Variants in LAG3 observed in about 807,000 individuals in gnomAD.
LAG3 encodes the protein lymphocyte activating 3, also known as lymphocyte activation gene 3 protein.
Under a neutral mutation model 49.0 loss-of-function variants are expected in LAG3, and 29 were observed. The observed-to-expected ratio is 0.59, with a 90% CI of 0.44 to 0.81. The LOEUF is 0.81. Among genes scored for constraint, LAG3 ranks in the 30% least tolerant of loss-of-function variants. The probability of loss-of-function intolerance (pLI) is 0.00; values close to 1 mark genes in which losing one functional copy is unlikely to be tolerated. For missense variants in LAG3, 693 were observed against 695.2 expected, an observed-to-expected ratio of 1.00 and a Z score of 0.04; for synonymous variants, 320 against 297.3, an observed-to-expected ratio of 1.08 and a Z score of -0.79.
At position 6,775,372 on chromosome 12, in the gene LAG3, T is replaced by C. The variant is rs1375048540; in HGVS notation, c.881T>C (p.Leu294Pro). The stretch of plus-strand genomic sequence containing the variant: ...GCTGGTGTGGGGACCCGGTCTTTCC[T>C]CACTGCCAAGTGGACTCCTCCTGGG... ...LPAGVGTRSF[L>P]TAKWTPPGGG... Residue 294 changes from leucine (L) to proline (P), a missense_variant, in exon 5 of 8, where the codon CTC becomes CCC. By Grantham distance (98) the Leu-to-Pro change is moderately conservative. Coordinates refer to ENST00000203629, the MANE Select transcript of LAG3 (RefSeq NM_002286.6). 6.2e-7 allele frequency: 1 copy of C among 1,614,208 alleles called. No individual in the cohort carries two copies. Among genetic ancestry groups the C allele is most frequent in the Admixed American group, 1.7e-5 (1 of 60,024 alleles).
chr12:6,777,623 C>T (rs1424872829), intron 6 of LAG3, 117 bp downstream of exon 6: 1 of 1,484,766 alleles, frequency 6.7e-7, no homozygotes, highest in Non-Finnish European at 9.1e-7. Flanking sequence ...GGGACCTGAT[C>T]TCTGGCTTTT....
chr12:6,772,895 C>T lies in LAG3; in HGVS notation c.43C>T (p.Leu15Phe). ...CCTGGGCTTGCTGTTTCTGCAGCCG[C>T]TTTGGGTGGCTCCAGGTAAAACGGG... ...QFLGLLFLQP[L>F]WVAPVKPLQP... Residue 15 changes from leucine to phenylalanine, a missense_variant, in exon 1 of 8, where the codon CTT (leucine) becomes TTT (phenylalanine). Physicochemically the swap from Leu to Phe is conservative, Grantham distance 22. Coordinates refer to ENST00000203629, the MANE Select transcript of LAG3 (RefSeq NM_002286.6). 6.2e-7 allele frequency: 1 copy of T among 1,613,920 alleles called. No individual in the cohort carries two copies. Among genetic ancestry groups the T allele is most frequent in the Non-Finnish European group, 8.5e-7 (1 of 1,179,980 alleles).
At chr12:6,775,011 T>A (rs1941890419) in intron 4 of LAG3, 147 bp downstream of exon 4, 1 of 898,886 alleles carries the variant, frequency 1.1e-6, no homozygotes, top group Non-Finnish European at 1.7e-6. Context: ...CCCCTTTATA[T>A]TGCTGGCAGC....
Position 6,773,954 on chromosome 12 carries a change from A to G in LAG3, c.464A>G (p.Asp155Gly), listed in dbSNP as rs1201457035. Residue 155 changes from aspartate to glycine, a missense_variant, in exon 3 of 8, where the codon GAC (aspartate) becomes GGC (glycine). Coordinates refer to ENST00000203629, the MANE Select transcript of LAG3 (RefSeq NM_002286.6). The surrounding 1 kb of genome is among the most constrained non-coding windows in gnomAD (Gnocchi z 5.5). ...TACCGCGCCGCGGTGCACCTCAGGG[A>G]CCGCGCCCTCTCCTGCCGCCTCCGT... Reference protein sequence around the residue: ...GEYRAAVHLRDRALSCRLRLR... With the variant: ...GEYRAAVHLRGRALSCRLRLR... The G allele has an allele frequency of 4.9e-6, 7 of 1,438,430 alleles. No individual in the cohort carries two copies. In the South Asian group the frequency reaches 9.8e-5, roughly 20 times the overall value. 89.1% of individuals were successfully genotyped at this position (1,438,430 alleles called of 1,614,324 possible).
At chr12:6,775,832 C>T (rs1941901638) in intron 5 of LAG3, 1 of 411,564 alleles carries the variant, frequency 2.4e-6, no homozygotes, top group Non-Finnish European at 4.4e-6. Context: ...GGAAAGGTGA[C>T]AAAAATTCTG....
rs1941924939 is a variant in LAG3 at position 6,777,823 on chromosome 12, C to T, written c.1333C>T (p.Leu445Phe). Residue 445 changes from leucine to phenylalanine, a missense_variant, in exon 7 of 8, where the codon CTC (leucine) becomes TTC (phenylalanine). Transcript: ENST00000203629. ...ACGCTCTGGGAGAGCCCCAGGTGCC[C>T]TCCCAGCAGGCCACCTCCTGCTGTT... ...AQRSGRAPGALPAGHLLLFLI... is the reference protein window; with the variant it reads ...AQRSGRAPGAFPAGHLLLFLI... The T allele has an allele frequency of 1.2e-6, 2 of 1,613,878 alleles. No individual in the cohort carries two copies. The highest frequency in any genetic ancestry group is 8.5e-7 in the Non-Finnish European group (1 of 1,179,952).
chr12:6,777,679 G>C, intron 6 of LAG3, 112 bp from the exon 7 acceptor site: 1 of 1,475,158 alleles, frequency 6.8e-7, no homozygotes, highest in Non-Finnish European at 9.3e-7. Context: ...GAATGACCCT[G>C]GGACAAGTCC....
At position 6,778,257 on chromosome 12, in the gene LAG3, G is replaced by A. The variant is rs1043999970; in HGVS notation, c.1445G>A (p.Arg482Gln). 3 of 1,598,772 alleles carry A rather than the reference G, an allele frequency of 1.9e-6. No individual in the cohort carries two copies. Among genetic ancestry groups the A allele is most frequent in the Non-Finnish European group, 2.6e-6 (3 of 1,172,802 alleles). ...HLWRRQWRPR[R>Q]FSALEQGIHP... is the part of the protein sequence containing the mutation. ...CTCTTCTCACAGTGGCGACCAAGAC[G>A]ATTTTCTGCCTTAGAGCAAGGGATT... is the stretch of plus-strand genomic sequence containing the variant. Residue 482 changes from arginine to glutamine, a missense_variant, in exon 8 of 8, where the codon CGA becomes CAA. By Grantham distance (43) the Arg-to-Gln change is conservative (BLOSUM62 1). Coordinates refer to ENST00000203629, the MANE Select transcript of LAG3 (RefSeq NM_002286.6).
rs971949567 is a variant in LAG3, at chr12:6,773,819, G to T, written c.329G>T (p.Arg110Leu). Residue 110 changes from arginine (R) to leucine (L), a missense_variant, in exon 3 of 8, where the codon CGC (arginine) becomes CTC (leucine). Physicochemically the swap from Arg to Leu is moderately radical, Grantham distance 102 (BLOSUM62 -2). Transcript: ENST00000203629. This position sits in a 1 kb window ranked among gnomAD's most constrained non-coding sequence, Gnocchi z 5.5. ...CTGAGCGTGGGTCCCGGAGGCCTGC[G>T]CAGCGGGAGGCTGCCCCTGCAGCCC... is the stretch of plus-strand genomic sequence containing the variant. ...TVLSVGPGGL[R>L]SGRLPLQPRV... is the part of the protein sequence containing the mutation. 3 of 1,401,314 alleles carry T rather than the reference G, an allele frequency of 2.1e-6. No individual in the cohort carries two copies. The African/African-American group carries it at 4.5e-5, about 21-fold the overall frequency. The allele number at this position is 1,401,314 out of a possible 1,614,324, so 86.8% of individuals were successfully genotyped here. A position where few individuals can be genotyped will look rare whatever the true frequency, so the allele number is the denominator to read the frequency against.
At position 6,777,826 on chromosome 12, in the gene LAG3, C is replaced by A. The variant is rs558020454; in HGVS notation, c.1336C>A (p.Pro446Thr). The change falls in exon 7 of 8, where the codon CCA (proline) becomes ACA (threonine). Residue 446 changes from proline (P) to threonine (T), a missense_variant. Pro to Thr is a conservative substitution (Grantham distance 38, BLOSUM62 -1). Transcript: ENST00000203629. ...QRSGRAPGAL[P>T]AGHLLLFLIL... ...CTCTGGGAGAGCCCCAGGTGCCCTC[C>A]CAGCAGGCCACCTCCTGCTGTTTCT... 5.0e-6 allele frequency: 8 copies of A among 1,613,774 alleles called. No homozygotes were observed. The African/African-American group carries it at 1.1e-4, about 22-fold the overall frequency.
chr12:6,778,106 T>A (rs1941927901), intron 7 of LAG3, 138 bp from the exon 8 acceptor site: 12 of 1,303,062 alleles, frequency 9.2e-6, no homozygotes, highest in Non-Finnish European at 1.3e-5. Flanking sequence ...GGAAGGGGGG[T>A]TGGGAGAAAG....
intron 5 of LAG3, among the ~76,000 whole-genome samples, chr12:6,776,002 A>G (rs932794108): frequency 1.3e-5 from 2 of 152,210 alleles, no homozygotes; most frequent in African/African-American, 4.8e-5. Context: ...CCAAGACAGT[A>G]TAAAACAAAC....
In LAG3 at chr12:6,777,100, TAGAA is replaced by T. The variant is rs553711161; in HGVS notation, c.1058-158_1058-155del. 7.1e-4 allele frequency among the ~76,000 whole-genome samples: 108 copies of T among 152,014 alleles called. No individual in the cohort carries two copies. The South Asian group carries it at 8.7e-3, about 12-fold the overall frequency. ...GTATACAATTTAATAAAAAAATAAA[TAGAA>T]AGAAAAAGATGAACGTGGCCATGAC... is the stretch of plus-strand genomic sequence containing the variant. On this transcript the variant is annotated intron_variant, in intron 5 of 7. Coordinates refer to ENST00000203629, the MANE Select transcript of LAG3 (RefSeq NM_002286.6).
Position 6,772,624 on chromosome 12 carries a change from C to T in LAG3, c.-229C>T. On this transcript the variant is annotated 5_prime_UTR_variant, in exon 1 of 8. Transcript: ENST00000203629. ...TGGGACACCCCCGCCCCCACCTCCT[C>T]AGGCTGCCTGATCTGCCCAGCTTTC... 2.0e-6 allele frequency: 1 copy of T among 512,666 alleles called. No individual in the cohort carries two copies. The highest frequency in any genetic ancestry group is 2.9e-5 in the South Asian group (1 of 35,018). 31.8% of individuals were successfully genotyped at this position (512,666 alleles called of 1,614,324 possible). A position where few individuals can be genotyped will look rare whatever the true frequency, so the allele number is the denominator to read the frequency against.
intron 3 of LAG3, 141 bp from the exon 4 acceptor site, chr12:6,774,454 G>A: frequency 1.1e-6 from 1 of 937,436 alleles, no homozygotes; most frequent in South Asian, 1.7e-5. Context: ...TGGAAGCTGA[G>A]ATGGGGAGAG....
chr12:6,777,581 C>T (rs1421806478), intron 6 of LAG3, 75 bp downstream of exon 6: 4 of 1,543,236 alleles, frequency 2.6e-6, no homozygotes, highest in Non-Finnish European at 2.6e-6. Context: ...CAGCCCCTGC[C>T]ACCCCCATCC....
Position 6,778,272 on chromosome 12 carries a change from A to T in LAG3, c.1460A>T (p.Glu487Val), listed in dbSNP as rs902438243. The T allele has an allele frequency of 6.2e-7, 1 of 1,609,514 alleles. No homozygotes were observed. The highest frequency in any genetic ancestry group is 1.3e-5 in the African/African-American group (1 of 74,722). The change falls in exon 8 of 8, where the codon GAG becomes GTG. Residue 487 changes from glutamate to valine, a missense_variant. Transcript: ENST00000203629. ...QWRPRRFSAL[E>V]QGIHPPQAQS... ...CGACCAAGACGATTTTCTGCCTTAG[A>T]GCAAGGGATTCACCCTCCGCAGGCT...
In LAG3 at chr12:6,774,788, C is replaced by T. The variant is rs1476112197; in HGVS notation, c.705C>T (p.Asp235=). The change falls in exon 4 of 8, where the codon GAC becomes GAT. Residue 235 remains aspartate, a synonymous_variant. Coordinates refer to ENST00000203629, the MANE Select transcript of LAG3 (RefSeq NM_002286.6). ...FLFLPQVSPM[D]SGPWGCILTY... ...TCCTGCCCCAAGTCAGCCCCATGGA[C>T]TCTGGGCCCTGGGGCTGCATCCTCA... The T allele has an allele frequency of 1.2e-6, 2 of 1,614,122 alleles. No individual in the cohort carries two copies. The highest frequency in any genetic ancestry group is 1.3e-5 in the African/African-American group (1 of 75,020).
At chr12:6,774,996 T>C in intron 4 of LAG3, 132 bp downstream of exon 4, 1 of 952,754 alleles carries the variant, frequency 1.0e-6, no homozygotes, top group Non-Finnish European at 1.6e-6. Flanking sequence ...GGTCTCACTG[T>C]TCGACCCCTT....
Sources: allele counts gnomAD v4.1 joint callset (sites outside exome capture counted in the v4.1 genomes callset), GRCh38; gene constraint gnomAD v4.1.1; non-coding constraint Gnocchi (gnomAD v3.1); transcripts MANE v1.5; gene names NCBI Gene and HGNC (gene_info 2026-07-23, HGNC 2026-07-21).